ACYP2: variants seen among roughly 807,000 people sequenced by gnomAD.
ACYP2 encodes acylphosphatase-2.
ACYP2 carries 12 observed loss-of-function variants against 11.2 expected under a neutral mutation model. The ratio of observed to expected loss-of-function variants is 1.08; its 90% CI spans 0.69 to 1.74. The LOEUF is 1.74. Among genes scored for constraint, ACYP2 ranks in the 40% most tolerant of loss-of-function variants. The pLI, the probability that ACYP2 is intolerant of heterozygous loss-of-function variation, is 0.00. For missense variants in ACYP2, 134 were observed against 101.9 expected, an observed-to-expected ratio of 1.31 and a Z score of -1.35; for synonymous variants, 43 against 32.2, an observed-to-expected ratio of 1.33 and a Z score of -1.13.
At position 54,074,609 on chromosome 2, in the gene ACYP2, TG is replaced by T. The variant is rs1230308599; in HGVS notation, c.277+17250del. On this transcript the variant is annotated intron_variant, in intron 4 of 6. Transcript: ENST00000607452. ...GTGTGTGTGTGTGTGTGTGTGTGTG[TG>T]TGTGTGTGTGTAACTGTATTAGACA... Among the ~76,000 whole-genome samples the T allele has an allele frequency of 2.0e-5, 3 of 150,004 alleles. No homozygotes were observed. In the East Asian group the frequency reaches 6.3e-4, roughly 32 times the overall value.
chr2:54,247,840 C>T (rs1224494498), intron 6 of ACYP2, among the ~76,000 whole-genome samples: 1 of 152,218 alleles, frequency 6.6e-6, no homozygotes, highest in Non-Finnish European at 1.5e-5. Context: ...GGATTTACCA[C>T]CACCTGGCTG....
chr2:54,136,210 T>C (rs1681221510), intron 5 of ACYP2, among the ~76,000 whole-genome samples: 1 of 152,150 alleles, frequency 6.6e-6, no homozygotes, highest in Non-Finnish European at 1.5e-5. Context: ...AGCTAATTTT[T>C]TTTAACTTTT....
In ACYP2 at chr2:54,077,172, G is replaced by A. The variant is rs79877665; in HGVS notation, c.277+19812G>A. On this transcript the variant is annotated intron_variant, in intron 4 of 6. Coordinates refer to ENST00000607452, the MANE Select transcript of ACYP2 (RefSeq NM_001320586.2). ...ATACATTTTCACAAAATAGAACAAG[G>A]TTGAAGCAGAATTAGAGATTTTTGG... Among the ~76,000 whole-genome samples the A allele has an allele frequency of 9.5e-4, 144 of 152,316 alleles. 3 individuals are homozygous for A. The East Asian group carries it at 0.027, about 28-fold the overall frequency.
chr2:54,176,818 C>A (rs918807675), intron 6 of ACYP2, among the ~76,000 whole-genome samples: 4 of 152,136 alleles, frequency 2.6e-5, no homozygotes, highest in Admixed American at 2.0e-4. Context: ...GTACCAAAGT[C>A]TAGTCTTCTT....
rs1399675103 is a variant in ACYP2 at position 54,219,901 on chromosome 2, A to T, written c.404+81153A>T. 3.1e-3 allele frequency among the ~76,000 whole-genome samples: 339 copies of T among 107,874 alleles called. 3 individuals are homozygous for T. Among genetic ancestry groups the T allele is most frequent in the African/African-American group, 0.011 (325 of 29,014 alleles). 70.8% of individuals were successfully genotyped at this position (107,874 alleles called of 152,430 possible). ...TGTGTGTATATATATATATATATAT[A>T]TATATTTTTTTTTTTTTTTTAGTAG... is the stretch of plus-strand genomic sequence containing the variant. On this transcript the variant is annotated intron_variant, in intron 6 of 6. Coordinates refer to ENST00000607452, the MANE Select transcript of ACYP2 (RefSeq NM_001320586.2).
intron 4 of ACYP2, among the ~76,000 whole-genome samples, chr2:54,100,503 C>G (rs1229064825): frequency 6.6e-6 from 1 of 151,812 alleles, no homozygotes; most frequent in Non-Finnish European, 1.5e-5. Flanking sequence ...GAGATATGGT[C>G]TCCCTCTGTT....
rs186630181 is a variant in ACYP2 at position 54,059,507 on chromosome 2, C to T, written c.277+2147C>T. Among the ~76,000 whole-genome samples the T allele has an allele frequency of 6.6e-4, 100 of 152,278 alleles. 1 individual carries two copies. The highest frequency in any genetic ancestry group is 1.3e-3 in the Non-Finnish European group (86 of 68,020). ...GATTACAGGTGTCAGCCACCATGCA[C>T]GGCGAGCATCTTATTATTTTTCTAT... is the stretch of plus-strand genomic sequence containing the variant. On this transcript the variant is annotated intron_variant, in intron 4 of 6. Transcript: ENST00000607452.
intron 6 of ACYP2, among the ~76,000 whole-genome samples, chr2:54,164,701 T>C (rs1157690670): frequency 6.6e-6 from 1 of 152,198 alleles, no homozygotes; most frequent in African/African-American, 2.4e-5. Context: ...TTTTGTTTTG[T>C]TATGTTTTTG....
At chr2:54,167,115 T>C (rs530297890) in intron 6 of ACYP2, 4 of 152,200 alleles carry the variant, frequency 2.6e-5, no homozygotes, top group Admixed American at 6.5e-5. Context: ...CTGTGACCTT[T>C]TGCCTCCAGC....
intron 6 of ACYP2, among the ~76,000 whole-genome samples, chr2:54,175,331 G>A (rs1683411561): frequency 1.3e-5 from 2 of 152,132 alleles, no homozygotes; most frequent in African/African-American, 4.8e-5. Context: ...GGTGTTTTTA[G>A]TATTCTCTGA....
intron 2 of ACYP2, among the ~76,000 whole-genome samples, chr2:54,049,446 T>A (rs966447627): frequency 6.6e-6 from 1 of 152,200 alleles, no homozygotes; most frequent in Non-Finnish European, 1.5e-5. Flanking sequence ...TGTTTCCCAT[T>A]TTAATAAAAC....
intron 4 of ACYP2, among the ~76,000 whole-genome samples, chr2:54,089,286 T>A (rs1206052440): frequency 6.6e-6 from 1 of 152,206 alleles, no homozygotes; most frequent in Non-Finnish European, 1.5e-5. Flanking sequence ...TAACTAAGTA[T>A]TTATTTTTAA....
At chr2:54,185,002 C>A (rs147484321) in intron 6 of ACYP2, among the ~76,000 whole-genome samples, 1,917 of 152,096 alleles carry the variant, frequency 0.013, 44 homozygotes, top group African/African-American at 0.043. Context: ...CCCACCACCA[C>A]GCCTGGCTTA....
intron 6 of ACYP2, among the ~76,000 whole-genome samples, chr2:54,243,993 C>G (rs1261422772): frequency 1.3e-5 from 2 of 151,892 alleles, no homozygotes; most frequent in African/African-American, 2.4e-5. Flanking sequence ...CTTCCCCACT[C>G]TGAGTTAGTA....
At chr2:54,241,141 C>T (rs1242078544) in intron 6 of ACYP2, among the ~76,000 whole-genome samples, 4 of 152,172 alleles carry the variant, frequency 2.6e-5, no homozygotes, top group African/African-American at 7.2e-5. Context: ...CCACTCCCTC[C>T]CCAAATGCCT....
chr2:54,241,573 T>C (rs534751007), intron 6 of ACYP2, among the ~76,000 whole-genome samples: 1 of 152,190 alleles, frequency 6.6e-6, no homozygotes, highest in South Asian at 2.1e-4. Context: ...TTCTCCTCCA[T>C]GAGGTAGAGA....
At chr2:54,264,380 C>G (rs1687922019) in intron 6 of ACYP2, among the ~76,000 whole-genome samples, 1 of 152,170 alleles carries the variant, frequency 6.6e-6, no homozygotes, top group South Asian at 2.1e-4. Flanking sequence ...TGGCCCCGCC[C>G]ACATCCTGCT....
intron 6 of ACYP2, among the ~76,000 whole-genome samples, chr2:54,213,571 A>G (rs562626973): frequency 1.7e-4 from 26 of 152,168 alleles, no homozygotes; most frequent in African/African-American, 6.0e-4. Context: ...TTTCTCTGCA[A>G]CCTCGCCAGC....
At chr2:54,065,661 C>T (rs1676706567) in intron 4 of ACYP2, 9 of 395,894 alleles carry the variant, frequency 2.3e-5, no homozygotes, top group South Asian at 1.4e-4. Flanking sequence ...CCATCTGTCA[C>T]GCATGGGCTT....
Sources: allele counts gnomAD v4.1 joint callset (sites outside exome capture counted in the v4.1 genomes callset), GRCh38; gene constraint gnomAD v4.1.1; transcripts MANE v1.5; gene names NCBI Gene and HGNC (gene_info 2026-07-23, HGNC 2026-07-21).